The following OR51E2 variants were observed in gnomAD, a reference collection of about 807,000 sequenced individuals.
OR51E2 encodes the protein olfactory receptor 51E2.
In OR51E2, 14 loss-of-function variants were observed where a neutral mutation model predicts 13.7. The ratio of observed to expected loss-of-function variants is 1.02; its 90% CI spans 0.68 to 1.60. The LOEUF (loss-of-function observed/expected upper bound fraction) is 1.60, where lower values mean the gene tolerates loss of function less well. OR51E2 is among the 40% of genes most tolerant of loss of function. The pLI is 0.00. For missense variants in OR51E2, 483 were observed against 413.8 expected (o/e 1.17, Z -1.45); for synonymous variants, 180 against 157.6 (o/e 1.14, Z -1.07).
At position 4,681,734 on chromosome 11, in the gene OR51E2, G is replaced by A. The variant is rs781087552; in HGVS notation, c.*15C>T. The stretch of plus-strand genomic sequence containing the variant: ...ATCAAGCCAATAAAGATAAGGAGAA[G>A]TGTAGTGTTAAGGGTCACTTGCCTC... On this transcript the variant is annotated 3_prime_UTR_variant, in exon 2 of 2. Coordinates refer to ENST00000396950, the MANE Select transcript of OR51E2 (RefSeq NM_030774.4). The A allele has an allele frequency of 7.4e-6, 12 of 1,612,026 alleles. 1 individual carries two copies. The South Asian group carries it at 1.2e-4, about 16-fold the overall frequency.
chr11:4,686,492 A>T (rs899151256), intron 1 of OR51E2, among the ~76,000 whole-genome samples: 11 of 152,190 alleles, frequency 7.2e-5, no homozygotes, highest in Non-Finnish European at 1.5e-4. Flanking sequence ...AAGCAGGGAC[A>T]TCACAACTAG....
At chr11:4,685,305 C>G (rs1239649040) in intron 1 of OR51E2, among the ~76,000 whole-genome samples, 1 of 152,208 alleles carries the variant, frequency 6.6e-6, no homozygotes, top group Non-Finnish European at 1.5e-5. Context: ...TCTTCCATCA[C>G]TTCCACACTC....
rs1847442381 is a variant in OR51E2, at chr11:4,680,937, G to A, written c.*812C>T. 1 of 152,206 alleles carries A rather than the reference G, an allele frequency of 6.6e-6. No homozygotes were observed. The highest frequency in any genetic ancestry group is 2.1e-4 in the South Asian group (1 of 4,826). The allele number at this position is 152,206 out of a possible 1,614,324, so 9.4% of individuals were successfully genotyped here. On this transcript the variant is annotated 3_prime_UTR_variant, in exon 2 of 2. Coordinates refer to ENST00000396950, the MANE Select transcript of OR51E2 (RefSeq NM_030774.4). ...TGCCCAGGCTGGAGTGTAGTGGTAC[G>A]ATCGTGGATCACTGTAACCTCAAAC...
intron 1 of OR51E2, among the ~76,000 whole-genome samples, chr11:4,685,572 A>G (rs1847505567): frequency 6.6e-6 from 1 of 152,246 alleles, no homozygotes; most frequent in South Asian, 2.1e-4. Flanking sequence ...TTAACAAAAC[A>G]GCCCTTAATG....
chr11:4,693,024 G>C (rs986307677), intron 1 of OR51E2, among the ~76,000 whole-genome samples: 2 of 152,140 alleles, frequency 1.3e-5, no homozygotes, highest in African/African-American at 4.8e-5. Context: ...TATCTAAAAT[G>C]TATGATCAAA....
At chr11:4,693,361 G>T (rs1172247030) in intron 1 of OR51E2, among the ~76,000 whole-genome samples, 1 of 152,208 alleles carries the variant, frequency 6.6e-6, no homozygotes. Context: ...AGCAGTGCTT[G>T]AAAGATTTCT....
intron 1 of OR51E2, among the ~76,000 whole-genome samples, chr11:4,689,137 G>A (rs142311213): frequency 6.6e-6 from 1 of 152,276 alleles, no homozygotes; most frequent in African/African-American, 2.4e-5. Flanking sequence ...AAGCAAAAAG[G>A]TCTGAGAACA....
chr11:4,683,646 G>T (rs1233365037), intron 1 of OR51E2, among the ~76,000 whole-genome samples: 3 of 152,200 alleles, frequency 2.0e-5, no homozygotes, highest in African/African-American at 4.8e-5. Flanking sequence ...CTTTGGAGAA[G>T]TATTATTAAT....
At chr11:4,692,799 C>A (rs1052391309) in intron 1 of OR51E2, among the ~76,000 whole-genome samples, 1 of 147,524 alleles carries the variant, frequency 6.8e-6, no homozygotes, top group Non-Finnish European at 1.5e-5. Context: ...TCCAGACTCA[C>A]ACATTCACCC....
chr11:4,687,758 T>A (rs548868454), intron 1 of OR51E2, among the ~76,000 whole-genome samples: 2 of 151,076 alleles, frequency 1.3e-5, no homozygotes, highest in South Asian at 2.1e-4. Flanking sequence ...TTGGAAAGAG[T>A]TGTCTTGAGA....
At chr11:4,690,833 G>T (rs938038409) in intron 1 of OR51E2, 3 of 454,346 alleles carry the variant, frequency 6.6e-6, no homozygotes, top group African/African-American at 4.0e-5. Flanking sequence ...AGATGACAGG[G>T]TTCATCAAAG....
intron 1 of OR51E2, among the ~76,000 whole-genome samples, chr11:4,689,910 A>AT (rs1847556922): frequency 6.6e-6 from 1 of 150,400 alleles, no homozygotes; most frequent in African/African-American, 2.4e-5. Context: ...TTTTTAATTA[A>AT]TTTTTTTACT....
chr11:4,684,379 A>G (rs1019385602), intron 1 of OR51E2, among the ~76,000 whole-genome samples: 2 of 152,140 alleles, frequency 1.3e-5, no homozygotes, highest in African/African-American at 2.4e-5. Context: ...CCATTTCTGT[A>G]TCCGTCATAG....
intron 1 of OR51E2, among the ~76,000 whole-genome samples, chr11:4,688,155 A>G (rs1425511864): frequency 6.6e-6 from 1 of 152,206 alleles, no homozygotes; most frequent in Non-Finnish European, 1.5e-5. Context: ...AAAATAAATA[A>G]CATATATGTG....
intron 1 of OR51E2, among the ~76,000 whole-genome samples, chr11:4,683,884 C>A (rs551345888): frequency 6.6e-6 from 1 of 152,342 alleles, no homozygotes; most frequent in South Asian, 2.1e-4. Context: ...GCCTTGGCTG[C>A]AAGGCCTAAC....
chr11:4,685,967 T>C (rs1847510825), intron 1 of OR51E2: 1 of 152,236 alleles, frequency 6.6e-6, no homozygotes, highest in South Asian at 2.1e-4. Flanking sequence ...TGCTTTGTCA[T>C]TGTCACTGTA....
intron 1 of OR51E2, among the ~76,000 whole-genome samples, chr11:4,696,088 A>G (rs1248103324): frequency 1.3e-5 from 2 of 152,208 alleles, no homozygotes. Flanking sequence ...ACAGTGAAGC[A>G]ATCAAACCTG....
At chr11:4,691,465 G>C (rs187546052) in intron 1 of OR51E2, 21 of 456,782 alleles carry the variant, frequency 4.6e-5, no homozygotes, top group Non-Finnish European at 9.3e-5. Flanking sequence ...ATGGTGACCA[G>C]AGTGGATATG....
chr11:4,692,916 A>G lies in OR51E2; in HGVS notation c.-51+4737T>C, dbSNP rs1023835879. 6.6e-5 allele frequency among the ~76,000 whole-genome samples: 10 copies of G among 152,306 alleles called. 1 individual carries two copies. Among genetic ancestry groups the G allele is most frequent in the African/African-American group, 9.6e-5 (4 of 41,562 alleles). On this transcript the variant is annotated intron_variant, in intron 1 of 1. Transcript: ENST00000396950. The stretch of plus-strand genomic sequence containing the variant: ...TTAACAGAAAACTAGATGAAAAACA[A>G]GAAATTATAGATTACACGATTTGGC...
Sources: allele counts gnomAD v4.1 joint callset (sites outside exome capture counted in the v4.1 genomes callset), GRCh38; gene constraint gnomAD v4.1.1; transcripts MANE v1.5; gene names NCBI Gene and HGNC (gene_info 2026-07-23, HGNC 2026-07-21).